TENM1: variants seen among roughly 807,000 people sequenced by gnomAD.
TENM1 encodes teneurin transmembrane protein 1, also known as teneurin-1.
In TENM1, 35 loss-of-function variants were observed where a neutral mutation model predicts 174.8. That is an observed-to-expected ratio of 0.20 (90% CI 0.15 to 0.27). The LOEUF is 0.27. Ranked by LOEUF, TENM1 falls within the 10% of genes least tolerant of loss-of-function variation. The pLI is 1.00. For synonymous variants in TENM1, 781 were observed against 798.7 expected, an observed-to-expected ratio of 0.98 and a Z score of 0.37; for missense variants, 1,633 against 2,130.1, an observed-to-expected ratio of 0.77 and a Z score of 4.59.
At chrX:125,113,325 T>C in the TENM1 span, among the ~76,000 whole-genome samples, 3 of 111,011 alleles carry the variant, frequency 2.7e-5, no homozygotes, top group East Asian at 8.5e-4. Flanking sequence ...TCTTGGAATA[T>C]GCAAGAACAC....
chrX:124,450,291 C>T (rs922878817), intron 23 of TENM1, among the ~76,000 whole-genome samples: 7 of 105,654 alleles, frequency 6.6e-5, no homozygotes, highest in Admixed American at 2.1e-4. Flanking sequence ...ACCCGGGAGG[C>T]GGAGCTTGCA....
At chrX:125,123,311 G>A in the TENM1 span, among the ~76,000 whole-genome samples, 1 of 110,640 alleles carries the variant, frequency 9.0e-6, no homozygotes, top group Non-Finnish European at 1.9e-5. Flanking sequence ...AAGGTTGGGT[G>A]TGGTGGTTCA....
chrX:125,155,680 G>A, the TENM1 span, among the ~76,000 whole-genome samples: 1 of 112,154 alleles, frequency 8.9e-6, no homozygotes, highest in Non-Finnish European at 1.9e-5. Context: ...GGCCGGCACT[G>A]TGGGGGACCC....
rs570681866 is a variant in TENM1 at position 124,573,170 on chromosome X, T to C, written c.2078-7610A>G. On this transcript the variant is annotated intron_variant, in intron 11 of 31. Transcript: ENST00000422452. ...CAGTGCAAAAAATATAGCAGTTAAC[T>C]TGAATAAGGTAGAGATCCATGCCTG... 3.6e-5 allele frequency among the ~76,000 whole-genome samples: 4 copies of C among 111,787 alleles called. No homozygotes were observed. In the South Asian group the frequency reaches 1.5e-3, roughly 42 times the overall value.
chrX:124,795,204 T>C (rs1170591142), intron 3 of TENM1, among the ~76,000 whole-genome samples: 1 of 112,350 alleles, frequency 8.9e-6, no homozygotes, highest in Non-Finnish European at 1.9e-5. Flanking sequence ...AAATATATAC[T>C]GAATACATAA....
At chrX:124,389,374 C>T (rs1252959745) in intron 28 of TENM1, among the ~76,000 whole-genome samples, 1 of 111,787 alleles carries the variant, frequency 8.9e-6, no homozygotes. Flanking sequence ...TTTGAGAATT[C>T]TTAGTTTAAA....
intron 11 of TENM1, among the ~76,000 whole-genome samples, chrX:124,583,386 A>G (rs1397990300): frequency 0.01 from 1,169 of 111,591 alleles, 21 homozygotes; most frequent in African/African-American, 0.036. Context: ...ATGAAAATCC[A>G]CTGTTCTGCA....
At chrX:124,600,562 AT>A (rs2050005328) in intron 11 of TENM1, among the ~76,000 whole-genome samples, 2 of 111,602 alleles carry the variant, frequency 1.8e-5, no homozygotes, top group South Asian at 7.6e-4. Context: ...TACCATATTA[AT>A]TAAATGATCA....
chrX:124,773,633 A>G (rs1426653490), intron 3 of TENM1, among the ~76,000 whole-genome samples: 1 of 111,134 alleles, frequency 9.0e-6, no homozygotes, highest in Non-Finnish European at 1.9e-5. Context: ...TTTTAAGGCT[A>G]AGGTTGTCGA....
intron 3 of TENM1, among the ~76,000 whole-genome samples, chrX:124,849,694 T>C (rs1266438748): frequency 8.9e-6 from 1 of 111,740 alleles, no homozygotes; most frequent in East Asian, 2.8e-4. Context: ...CCAGTAGATG[T>C]GTCCAGACTT....
the TENM1 span, among the ~76,000 whole-genome samples, chrX:125,196,005 AGAAGGAACGAAGGAAG>A: frequency 1.0e-5 from 1 of 96,386 alleles, no homozygotes; most frequent in African/African-American, 4.4e-5. Context: ...AAGGAAGAAA[AGAAGGAACGAAGGAAG>A]GAAGGAAGGA....
the TENM1 span, among the ~76,000 whole-genome samples, chrX:124,970,932 T>C: frequency 1.9e-4 from 21 of 110,121 alleles, no homozygotes; most frequent in Non-Finnish European, 1.1e-4. Flanking sequence ...GTGGCACATA[T>C]ATACCATGGA....
At chrX:124,755,508 T>A (rs900944071) in intron 3 of TENM1, among the ~76,000 whole-genome samples, 2 of 111,004 alleles carry the variant, frequency 1.8e-5, no homozygotes. Context: ...AATATTGTTA[T>A]GTGTGAATTT....
intron 6 of TENM1, among the ~76,000 whole-genome samples, chrX:124,663,754 T>G (rs2051671030): frequency 1.8e-5 from 2 of 109,011 alleles, no homozygotes; most frequent in South Asian, 7.9e-4. Flanking sequence ...TGTATTAGTT[T>G]TTTTTTTTTT....
At chrX:124,706,007 G>A (rs2052895588) in intron 4 of TENM1, among the ~76,000 whole-genome samples, 1 of 111,757 alleles carries the variant, frequency 8.9e-6, no homozygotes, top group African/African-American at 3.3e-5. Flanking sequence ...CCGGGTTCAA[G>A]CAATTCTTCT....
chrX:124,859,793 C>T (rs1004079908), intron 3 of TENM1, among the ~76,000 whole-genome samples: 8 of 111,285 alleles, frequency 7.2e-5, no homozygotes, highest in African/African-American at 2.6e-4. Context: ...TTTATCATAT[C>T]CAAGTTGGAA....
chrX:125,123,579 A>C, the TENM1 span, among the ~76,000 whole-genome samples: 3 of 111,531 alleles, frequency 2.7e-5, no homozygotes, highest in Non-Finnish European at 5.7e-5. Flanking sequence ...ACTGCACTCC[A>C]GCCTGGGTGA....
chrX:124,803,478 A>C (rs140970705), intron 3 of TENM1, among the ~76,000 whole-genome samples: 1,134 of 112,113 alleles, frequency 0.01, 10 homozygotes, highest in African/African-American at 0.034. Flanking sequence ...TTCAGTGGAA[A>C]TGCTGCATAT....
At chrX:124,734,139 GAAAGAAAAGA>G (rs200773301) in intron 4 of TENM1, among the ~76,000 whole-genome samples, 24 of 111,157 alleles carry the variant, frequency 2.2e-4, no homozygotes, top group African/African-American at 6.5e-4. Flanking sequence ...AATTAAAAAA[GAAAGAAAAGA>G]AAAGAAAAGA....
Sources: allele counts gnomAD v4.1 joint callset (sites outside exome capture counted in the v4.1 genomes callset), GRCh38; gene constraint gnomAD v4.1.1; transcripts MANE v1.5; gene names NCBI Gene and HGNC (gene_info 2026-07-23, HGNC 2026-07-21).